The following YME1L1 variants were observed in gnomAD, a reference collection of about 807,000 sequenced individuals.
YME1L1 encodes YME1 like 1 ATPase.
Under a neutral mutation model 90.4 loss-of-function variants are expected in YME1L1, and 39 were observed. The observed-to-expected ratio is 0.43, with a 90% CI of 0.33 to 0.56. YME1L1 has a LOEUF of 0.56. Among genes scored for constraint, YME1L1 ranks in the 20% least tolerant of loss-of-function variants. YME1L1 has a pLI of 0.03. For synonymous variants in YME1L1, 284 were observed against 287.3 expected (o/e 0.99, Z 0.12); for missense variants, 617 against 868.4 (o/e 0.71, Z 3.64).
At chr10:27,154,032 T>C in intron 1 of YME1L1, 146 bp downstream of exon 1, 2 of 1,095,146 alleles carry the variant, frequency 1.8e-6, no homozygotes, top group East Asian at 2.6e-5. Flanking sequence ...CGTCGTCCCC[T>C]GATCCACTCC....
chr10:27,144,224 T>G (rs531308190), intron 3 of YME1L1, among the ~76,000 whole-genome samples: 1 of 152,252 alleles, frequency 6.6e-6, no homozygotes, highest in Admixed American at 6.5e-5. Context: ...AAAAAGAATT[T>G]TATTCTATTG....
At chr10:27,126,617 T>G in intron 9 of YME1L1, 79 bp downstream of exon 9, 1 of 708,152 alleles carries the variant, frequency 1.4e-6, no homozygotes, top group South Asian at 2.3e-5. Context: ...TAAAATTAAA[T>G]AAGTAATATA....
chr10:27,128,583 C>T lies in YME1L1; in HGVS notation c.859-1797G>A, dbSNP rs908727100. ...AAACTCTGTCTCTACACCGCTCCCC[C>T]ACCCCCCAAAAAAAAGAAGAAGAAA... On this transcript the variant is annotated intron_variant, in intron 8 of 18. Coordinates refer to ENST00000376016, the MANE Select transcript of YME1L1 (RefSeq NM_014263.4). 2.0e-5 allele frequency among the ~76,000 whole-genome samples: 3 copies of T among 151,684 alleles called. No homozygotes were observed. The South Asian group carries it at 6.3e-4, about 32-fold the overall frequency.
chr10:27,141,178 TA>T (rs1402043470), intron 4 of YME1L1, among the ~76,000 whole-genome samples: 1 of 152,070 alleles, frequency 6.6e-6, no homozygotes, highest in African/African-American at 2.4e-5. Flanking sequence ...GCGGATCACC[TA>T]AGGTCAGGAG....
chr10:27,149,116 T>C (rs1000357280), intron 1 of YME1L1, 76 bp from the exon 2 acceptor site: 4 of 1,335,886 alleles, frequency 3.0e-6, no homozygotes, highest in Non-Finnish European at 4.2e-6. Context: ...TTTGTCAGGA[T>C]TTGTTAAGAG....
intron 3 of YME1L1, among the ~76,000 whole-genome samples, chr10:27,143,049 A>G (rs1380067431): frequency 6.6e-6 from 1 of 152,016 alleles, no homozygotes; most frequent in Non-Finnish European, 1.5e-5. Flanking sequence ...ATACAAATGT[A>G]GCTAATGAAA....
chr10:27,144,931 G>A (rs1406061262), intron 3 of YME1L1, among the ~76,000 whole-genome samples: 2 of 152,120 alleles, frequency 1.3e-5, no homozygotes, highest in African/African-American at 4.8e-5. Flanking sequence ...CACGAGGTCA[G>A]GAGATCAAGA....
Position 27,145,168 on chromosome 10 carries a change from A to G in YME1L1, c.331+260T>C, listed in dbSNP as rs535596331. Among the ~76,000 whole-genome samples, 56 of 152,194 alleles carry G rather than the reference A, an allele frequency of 3.7e-4. 3 individuals are homozygous for G. The South Asian group carries it at 0.011, about 31-fold the overall frequency. On this transcript the variant is annotated intron_variant, in intron 3 of 18. Transcript: ENST00000376016. ...AAAAAAAATTATTGTACCAATGTTA[A>G]TTTCCTAGTTTTAACAAATGTAACA...
intron 2 of YME1L1, among the ~76,000 whole-genome samples, chr10:27,148,616 G>A (rs11813670): frequency 0.24 from 36,941 of 151,958 alleles, 5,081 homozygotes; most frequent in East Asian, 0.56. Context: ...TGGTAAATAT[G>A]TTTTCTCTTC....
intron 11 of YME1L1, 151 bp from the exon 12 acceptor site, chr10:27,121,599 A>G (rs898721193): frequency 1.0e-5 from 6 of 574,354 alleles, no homozygotes; most frequent in African/African-American, 9.3e-5. Context: ...ATCATAGCTC[A>G]CTGCTGCCTC....
intron 1 of YME1L1, among the ~76,000 whole-genome samples, chr10:27,149,570 G>A (rs2057185772): frequency 6.6e-6 from 1 of 151,716 alleles, no homozygotes; most frequent in Non-Finnish European, 1.5e-5. Flanking sequence ...AATTAGATGG[G>A]TGTGATGGTG....
intron 1 of YME1L1, among the ~76,000 whole-genome samples, chr10:27,151,351 T>C (rs1400403906): frequency 6.6e-6 from 1 of 152,208 alleles, no homozygotes; most frequent in Non-Finnish European, 1.5e-5. Context: ...ATGGCAAACT[T>C]AGTTGCCACT....
At chr10:27,112,253 A>G (rs2056766451) in intron 18 of YME1L1, 133 bp from the exon 19 acceptor site, 1 of 837,794 alleles carries the variant, frequency 1.2e-6, no homozygotes. Context: ...ATCATGTAGA[A>G]TCTTGATTCT....
chr10:27,123,804 G>A (rs2056890492), intron 9 of YME1L1, 105 bp from the exon 10 acceptor site: 2 of 1,202,686 alleles, frequency 1.7e-6, no homozygotes, highest in African/African-American at 1.6e-5. Flanking sequence ...TTCAGGCTGA[G>A]GTCACACCAA....
At chr10:27,145,187 T>C (rs1452910981) in intron 3 of YME1L1, among the ~76,000 whole-genome samples, 1 of 151,998 alleles carries the variant, frequency 6.6e-6, no homozygotes, top group Non-Finnish European at 1.5e-5. Context: ...TTTTAACAAA[T>C]GTAACATGAT....
In YME1L1 at chr10:27,136,264, A is replaced by C. The variant is rs201253099; in HGVS notation, c.540+12T>G. 3.8e-5 allele frequency: 61 copies of C among 1,599,894 alleles called. No homozygotes were observed. The African/African-American group carries it at 6.9e-4, about 18-fold the overall frequency. ...AATATTTGCTTTTTGGATCATAAAA[A>C]GGTCTAATTACCTTCACGAATGATG... On this transcript the variant is annotated intron_variant, in intron 5 of 18. Coordinates refer to ENST00000376016, the MANE Select transcript of YME1L1 (RefSeq NM_014263.4).
intron 8 of YME1L1, 75 bp downstream of exon 8, chr10:27,131,784 G>C (rs1338716788): frequency 8.9e-7 from 1 of 1,124,348 alleles, no homozygotes; most frequent in Admixed American, 2.3e-5. Flanking sequence ...ATACACTGTA[G>C]AATCAAATAT....
chr10:27,111,763 TCAAAA>T lies in YME1L1; in HGVS notation c.*209_*213del. The T allele has an allele frequency of 1.2e-5, 8 of 657,134 alleles. No homozygotes were observed. The highest frequency in any genetic ancestry group is 7.0e-5 in the Admixed American group (3 of 43,102). 40.7% of individuals were successfully genotyped at this position (657,134 alleles called of 1,614,324 possible). On this transcript the variant is annotated 3_prime_UTR_variant, in exon 19 of 19. Coordinates refer to ENST00000376016, the MANE Select transcript of YME1L1 (RefSeq NM_014263.4). ...TCAATCCTGATAGTTCTTTATTTTTTCAAAATATATTTGCCATGGGATGCTAATTT... is the reference window on the plus strand; with the variant it reads ...TCAATCCTGATAGTTCTTTATTTTTTTATATTTGCCATGGGATGCTAATTT...
intron 11 of YME1L1, 33 bp downstream of exon 11, chr10:27,122,808 A>C: frequency 1.2e-6 from 2 of 1,610,762 alleles, no homozygotes; most frequent in East Asian, 2.2e-5. Flanking sequence ...GGGAGGCATC[A>C]CCATATTCTA....
Sources: allele counts gnomAD v4.1 joint callset (sites outside exome capture counted in the v4.1 genomes callset), GRCh38; gene constraint gnomAD v4.1.1; transcripts MANE v1.5; gene names NCBI Gene and HGNC (gene_info 2026-07-23, HGNC 2026-07-21).